Variants in OSBPL11 observed in about 807,000 individuals in gnomAD.
The protein encoded by OSBPL11 is oxysterol binding protein like 11.
OSBPL11 carries 33 observed loss-of-function variants against 84.4 expected under a neutral mutation model. The ratio of observed to expected loss-of-function variants is 0.39; its 90% CI spans 0.30 to 0.52. OSBPL11 has a LOEUF of 0.52. Ranked by LOEUF, OSBPL11 falls within the 20% of genes least tolerant of loss-of-function variation. The pLI, the probability that OSBPL11 is intolerant of heterozygous loss-of-function variation, is 0.72. For missense variants in OSBPL11, 736 were observed against 901.1 expected, an observed-to-expected ratio of 0.82 and a Z score of 2.35; for synonymous variants, 276 against 310.2, an observed-to-expected ratio of 0.89 and a Z score of 1.16.
At chr3:125,580,223 G>A (rs539954211) in intron 2 of OSBPL11, among the ~76,000 whole-genome samples, 183 bp from the exon 3 acceptor site, 1 of 152,154 alleles carries the variant, frequency 6.6e-6, no homozygotes, top group East Asian at 1.9e-4. Context: ...ACTAAAAATC[G>A]AATGAGTTAG....
intron 11 of OSBPL11, among the ~76,000 whole-genome samples, chr3:125,533,921 C>T (rs970692771): frequency 2.0e-5 from 3 of 152,190 alleles, no homozygotes; most frequent in African/African-American, 7.2e-5. Context: ...TTTGACCTGA[C>T]GTTTATAGAA....
intron 10 of OSBPL11, among the ~76,000 whole-genome samples, chr3:125,541,023 T>C (rs1935722327): frequency 6.6e-6 from 1 of 152,202 alleles, no homozygotes; most frequent in Non-Finnish European, 1.5e-5. Flanking sequence ...GGCCAGACCA[T>C]CTCTATTGAA....
At chr3:125,594,541 A>C in intron 1 of OSBPL11, 96 bp downstream of exon 1, 1 of 1,445,064 alleles carries the variant, frequency 6.9e-7, no homozygotes, top group African/African-American at 1.4e-5. Flanking sequence ...AGCCAGTGAA[A>C]AAACTTTTAT....
chr3:125,579,756 A>T, intron 3 of OSBPL11, 109 bp downstream of exon 3: 1 of 933,180 alleles, frequency 1.1e-6, no homozygotes. Context: ...TATTTACATC[A>T]CTGATGACAG....
At chr3:125,584,370 A>G (rs1936475916) in intron 1 of OSBPL11, among the ~76,000 whole-genome samples, 1 of 152,140 alleles carries the variant, frequency 6.6e-6, no homozygotes, top group South Asian at 2.1e-4. Flanking sequence ...CATCATAAAC[A>G]AAAACAAAAA....
In OSBPL11 at chr3:125,544,852, T is replaced by C. The variant is rs192176316; in HGVS notation, c.1841+2554A>G. 3.9e-5 allele frequency among the ~76,000 whole-genome samples: 6 copies of C among 152,340 alleles called. No homozygotes were observed. The East Asian group carries it at 9.6e-4, about 24-fold the overall frequency. On this transcript the variant is annotated intron_variant, in intron 10 of 12. Transcript: ENST00000296220. ...GTACATCTTGTATCAATAAATGACA[T>C]AGAATACAGAATATGCTGCCCTTAA... is the stretch of plus-strand genomic sequence containing the variant.
At chr3:125,550,493 A>C (rs1450776621) in intron 9 of OSBPL11, among the ~76,000 whole-genome samples, 1 of 152,168 alleles carries the variant, frequency 6.6e-6, no homozygotes, top group African/African-American at 2.4e-5. Context: ...TTGGTAAGAC[A>C]TATTACAACA....
At chr3:125,583,858 T>G (rs1476922312) in intron 1 of OSBPL11, among the ~76,000 whole-genome samples, 1 of 152,158 alleles carries the variant, frequency 6.6e-6, no homozygotes, top group Non-Finnish European at 1.5e-5. Flanking sequence ...CAGGTCGCAA[T>G]CAAGTTGTTT....
chr3:125,575,962 A>C (rs1936315640), intron 5 of OSBPL11, among the ~76,000 whole-genome samples: 1 of 151,000 alleles, frequency 6.6e-6, no homozygotes, highest in Non-Finnish European at 1.5e-5. Flanking sequence ...GAATTGAAAG[A>C]TACACACTTT....
chr3:125,560,610 T>C lies in OSBPL11; in HGVS notation c.1015-91A>G, dbSNP rs564985851. The C allele has an allele frequency of 5.0e-6, 6 of 1,204,124 alleles. No homozygotes were observed. In the Admixed American group the frequency reaches 8.4e-5, roughly 17 times the overall value. 74.6% of individuals were successfully genotyped at this position (1,204,124 alleles called of 1,614,324 possible). On this transcript the variant is annotated intron_variant, in intron 7 of 12. Transcript: ENST00000296220. Reference sequence around the variant, plus strand: ...CAATAAATATCAGACTTGAAGACATTTGTATTTGACCTAAGTGAATCTGAG... The same window carrying C: ...CAATAAATATCAGACTTGAAGACATCTGTATTTGACCTAAGTGAATCTGAG...
intron 10 of OSBPL11, among the ~76,000 whole-genome samples, chr3:125,539,740 C>A (rs1283206952): frequency 6.6e-6 from 1 of 152,056 alleles, no homozygotes; most frequent in Non-Finnish European, 1.5e-5. Context: ...TGAGCCACTG[C>A]GCCTGGACTG....
Position 125,594,934 on chromosome 3 carries a change from C to T in OSBPL11, c.-134G>A, listed in dbSNP as rs1448534989. 2.1e-6 allele frequency: 2 copies of T among 954,602 alleles called. No homozygotes were observed. Among genetic ancestry groups the T allele is most frequent in the East Asian group, 5.2e-5 (2 of 38,562 alleles). 59.1% of individuals were successfully genotyped at this position (954,602 alleles called of 1,614,324 possible). A position where few individuals can be genotyped will look rare whatever the true frequency, so the allele number is the denominator to read the frequency against. Reference sequence around the variant, plus strand: ...AAATCACACGGCGGCTGGGGCGGGACTGTCAAATGGTCCAGAAAAGGAAGA... The same window carrying T: ...AAATCACACGGCGGCTGGGGCGGGATTGTCAAATGGTCCAGAAAAGGAAGA... On this transcript the variant is annotated 5_prime_UTR_variant, in exon 1 of 13. Transcript: ENST00000296220.
At chr3:125,567,617 G>A (rs1472801633) in intron 5 of OSBPL11, 22 bp from the exon 6 acceptor site, 12 of 1,586,122 alleles carry the variant, frequency 7.6e-6, no homozygotes, top group South Asian at 2.2e-5. Context: ...ACAGTTCTGT[G>A]GGTCCTACTC....
At chr3:125,532,889 A>T (rs1030066052) in intron 11 of OSBPL11, among the ~76,000 whole-genome samples, 1 of 151,904 alleles carries the variant, frequency 6.6e-6, no homozygotes, top group African/African-American at 2.4e-5. Flanking sequence ...TGCAATTAAT[A>T]CTTCATGGAT....
Position 125,535,819 on chromosome 3 carries a change from T to C in OSBPL11, c.2024+2632A>G, listed in dbSNP as rs145053286. Among the ~76,000 whole-genome samples, 316 of 151,948 alleles carry C rather than the reference T, an allele frequency of 2.1e-3. 2 individuals are homozygous for C. The highest frequency in any genetic ancestry group is 7.1e-3 in the African/African-American group (293 of 41,448). ...CCCATACATTCAATCTGTGGTGATA[T>C]ATTGATTTAAAGTATATATAGGAAA... On this transcript the variant is annotated intron_variant, in intron 11 of 12. Transcript: ENST00000296220.
At chr3:125,552,736 G>A in intron 8 of OSBPL11, 57 bp from the exon 9 acceptor site, 2 of 1,528,714 alleles carry the variant, frequency 1.3e-6, no homozygotes, top group Non-Finnish European at 1.8e-6. Flanking sequence ...CATATCTGTA[G>A]ACAACTATTC....
At chr3:125,575,985 A>G (rs994372238) in intron 5 of OSBPL11, among the ~76,000 whole-genome samples, 5 of 150,418 alleles carry the variant, frequency 3.3e-5, no homozygotes, top group African/African-American at 4.9e-5. Flanking sequence ...AAAAATGACC[A>G]TGTACCTAGT....
intron 8 of OSBPL11, among the ~76,000 whole-genome samples, chr3:125,556,918 T>C (rs903879514): frequency 1.3e-5 from 2 of 152,214 alleles, no homozygotes; most frequent in African/African-American, 4.8e-5. Flanking sequence ...ATGTCAGAGG[T>C]AGATACATGG....
chr3:125,590,987 T>C (rs1174502823), intron 1 of OSBPL11, among the ~76,000 whole-genome samples: 1 of 152,240 alleles, frequency 6.6e-6, no homozygotes, highest in Non-Finnish European at 1.5e-5. Context: ...ACTTAGGTTT[T>C]CTTCAACTGC....
Sources: gnomAD v4.1 joint callset for allele counts (sites outside exome capture counted in the v4.1 genomes callset) on GRCh38, gnomAD v4.1.1 for gene constraint, MANE v1.5 for transcripts, NCBI Gene and HGNC (gene_info 2026-07-23, HGNC 2026-07-21) for gene names.